The following PALM2AKAP2 variants were observed in gnomAD, a reference collection of about 807,000 sequenced individuals.
PALM2AKAP2 encodes the protein PALM2 and AKAP2 fusion.
Under a neutral mutation model 71.5 loss-of-function variants are expected in PALM2AKAP2, and 37 were observed. The observed-to-expected ratio is 0.52, with a 90% CI of 0.40 to 0.68. The LOEUF (loss-of-function observed/expected upper bound fraction) is 0.68. Ranked by LOEUF, PALM2AKAP2 falls within the 30% of genes least tolerant of loss-of-function variation. The pLI is 0.00. For missense variants in PALM2AKAP2, 1,224 were observed against 1,191.8 expected, an observed-to-expected ratio of 1.03 and a Z score of -0.40; for synonymous variants, 468 against 478.8, an observed-to-expected ratio of 0.98 and a Z score of 0.29.
At chr9:109,906,989 G>GC (rs1276566272) in intron 3 of PALM2AKAP2, among the ~76,000 whole-genome samples, 2 of 152,152 alleles carry the variant, frequency 1.3e-5, no homozygotes, top group Non-Finnish European at 2.9e-5. Context: ...ACTCACTTGA[G>GC]CCTGCCTTGC....
chr9:110,105,174 A>G (rs1835087149), intron 1 of PALM2AKAP2, among the ~76,000 whole-genome samples: 1 of 152,206 alleles, frequency 6.6e-6, no homozygotes, highest in Admixed American at 6.5e-5. Flanking sequence ...CTAGAGGCCA[A>G]ATAAATCAGA....
At chr9:109,709,849 G>A (rs1828205211) in intron 1 of PALM2AKAP2, among the ~76,000 whole-genome samples, 1 of 152,068 alleles carries the variant, frequency 6.6e-6, no homozygotes, top group South Asian at 2.1e-4. Context: ...TTTGAATGTT[G>A]GCCCCAAAAG....
At chr9:110,006,865 C>A (rs1832794470) in intron 6 of PALM2AKAP2, among the ~76,000 whole-genome samples, 1 of 152,172 alleles carries the variant, frequency 6.6e-6, no homozygotes, top group South Asian at 2.1e-4. Flanking sequence ...TTTTTTCATC[C>A]TCCAGGTGGC....
intron 1 of PALM2AKAP2, among the ~76,000 whole-genome samples, chr9:110,088,742 CAG>C (rs1834637373): frequency 9.5e-6 from 1 of 104,732 alleles, no homozygotes; most frequent in Non-Finnish European, 1.8e-5. Flanking sequence ...TTTTCTGAGA[CAG>C]AGTGTCACTC....
In PALM2AKAP2 at chr9:109,766,199, C is replaced by T. The variant is rs116692734; in HGVS notation, c.6-14289C>T. On this transcript the variant is annotated intron_variant, in intron 1 of 6. Coordinates refer to the PALM2AKAP2 transcript ENST00000374531. Reference sequence around the variant, plus strand: ...TGTGGAGCTCAGGGTCAACGTTTTGCCCATAAAAGGGCCACTTGTGTAGGT... The same window carrying T: ...TGTGGAGCTCAGGGTCAACGTTTTGTCCATAAAAGGGCCACTTGTGTAGGT... Among the ~76,000 whole-genome samples the T allele has an allele frequency of 4.3e-3, 662 of 152,304 alleles. 4 individuals carry two copies. The highest frequency in any genetic ancestry group is 0.011 in the East Asian group (58 of 5,188).
intron 1 of PALM2AKAP2, among the ~76,000 whole-genome samples, chr9:110,102,037 G>T (rs1176550081): frequency 6.6e-6 from 1 of 152,180 alleles, no homozygotes; most frequent in Non-Finnish European, 1.5e-5. Flanking sequence ...CCACACTCTT[G>T]TCTCATTTTC....
At chr9:110,145,965 C>G (rs1836158283) in intron 2 of PALM2AKAP2, among the ~76,000 whole-genome samples, 1 of 125,050 alleles carries the variant, frequency 8.0e-6, no homozygotes, top group Non-Finnish European at 1.6e-5. Context: ...GTGGCGCTAT[C>G]TCGGCTCACT....
At chr9:110,110,237 A>G (rs560472351) in intron 1 of PALM2AKAP2, among the ~76,000 whole-genome samples, 1 of 152,350 alleles carries the variant, frequency 6.6e-6, no homozygotes, top group South Asian at 2.1e-4. Context: ...ATAAATAAAT[A>G]GTCCGAGGGA....
At chr9:110,083,421 A>G (rs1834492341) in intron 1 of PALM2AKAP2, among the ~76,000 whole-genome samples, 1 of 152,202 alleles carries the variant, frequency 6.6e-6, no homozygotes, top group Non-Finnish European at 1.5e-5. Context: ...TGTGGCTAAA[A>G]TAAGGAGGCC....
intron 1 of PALM2AKAP2, among the ~76,000 whole-genome samples, chr9:109,704,918 A>C (rs952836486): frequency 6.6e-6 from 1 of 152,202 alleles, no homozygotes; most frequent in Admixed American, 6.5e-5. Context: ...CCACATGCTG[A>C]GAGTCAAGAG....
chr9:109,936,578 A>G (rs557018540), intron 6 of PALM2AKAP2, among the ~76,000 whole-genome samples: 17 of 152,304 alleles, frequency 1.1e-4, no homozygotes, highest in Non-Finnish European at 2.5e-4. Context: ...GCCAGGTGCA[A>G]TGCCAACTCC....
At chr9:110,145,829 TACCC>T (rs1836152098) in intron 2 of PALM2AKAP2, among the ~76,000 whole-genome samples, 4 of 143,036 alleles carry the variant, frequency 2.8e-5, no homozygotes, top group African/African-American at 7.9e-5. Flanking sequence ...CTTTAGATAT[TACCC>T]TTAAAGGCTT....
At chr9:109,941,004 A>G (rs751532174) in intron 6 of PALM2AKAP2, among the ~76,000 whole-genome samples, 28 of 152,166 alleles carry the variant, frequency 1.8e-4, no homozygotes, top group Admixed American at 9.8e-4. Context: ...TGTGGACCAT[A>G]TAGTCTTTGT....
chr9:110,047,509 A>G (rs1049368953), upstream of PALM2AKAP2, among the ~76,000 whole-genome samples: 1 of 152,206 alleles, frequency 6.6e-6, no homozygotes, highest in Non-Finnish European at 1.5e-5. Flanking sequence ...TGTGTTTCAC[A>G]TGTAAAATTG....
At position 109,709,474 on chromosome 9, in the gene PALM2AKAP2, TC is replaced by T. The variant is rs1828193802; in HGVS notation, c.5+68609del. Among the ~76,000 whole-genome samples the T allele has an allele frequency of 3.3e-5, 5 of 152,318 alleles. No individual in the cohort carries two copies. The South Asian group carries it at 1.0e-3, about 32-fold the overall frequency. On this transcript the variant is annotated intron_variant, in intron 1 of 6. Coordinates refer to the PALM2AKAP2 transcript ENST00000374531. ...CTGTTGTTCAGGCCATGGCTTTCCA[TC>T]AACACTATCTTTTACCGTCTCTTGC...
chr9:109,767,889 G>C lies in PALM2AKAP2; in HGVS notation c.6-12599G>C, dbSNP rs761343822. Among the ~76,000 whole-genome samples, 54 of 44,414 alleles carry C rather than the reference G, an allele frequency of 1.2e-3. 1 individual carries two copies. The highest frequency in any genetic ancestry group is 0.011 in the Middle Eastern group (1 of 90). The allele number at this position is 44,414 out of a possible 152,430, so 29.1% of individuals were successfully genotyped here. A position where few individuals can be genotyped will look rare whatever the true frequency, so the allele number is the denominator to read the frequency against. The stretch of plus-strand genomic sequence containing the variant: ...CATGGGACAATGCCTGGTTCAAAGC[G>C]TGGGCTAATACATTTAGCAGGATGG... On this transcript the variant is annotated intron_variant, in intron 1 of 6. Transcript: ENST00000374531.
chr9:109,647,063 G>A (rs1827165585), intron 1 of PALM2AKAP2, among the ~76,000 whole-genome samples: 1 of 151,988 alleles, frequency 6.6e-6, no homozygotes, highest in African/African-American at 2.4e-5. Context: ...TGAACGCTTG[G>A]GAAACCTCTT....
chr9:109,648,515 A>G (rs75617409), intron 1 of PALM2AKAP2, among the ~76,000 whole-genome samples: 2,470 of 152,324 alleles, frequency 0.016, 28 homozygotes, highest in Middle Eastern at 0.041. Flanking sequence ...CTTTGTCAGG[A>G]AGCAATAAAT....
At chr9:109,711,358 T>C (rs1399653429) in intron 1 of PALM2AKAP2, among the ~76,000 whole-genome samples, 1 of 152,202 alleles carries the variant, frequency 6.6e-6, no homozygotes, top group African/African-American at 2.4e-5. Context: ...ATTTTGATGG[T>C]TCATAAAACC....
Sources: gnomAD v4.1 joint callset for allele counts (sites outside exome capture counted in the v4.1 genomes callset) on GRCh38, gnomAD v4.1.1 for gene constraint, MANE v1.5 for transcripts, NCBI Gene and HGNC (gene_info 2026-07-23, HGNC 2026-07-21) for gene names.